Variants in CTNNBL1 observed in about 807,000 individuals in gnomAD.
CTNNBL1 encodes the protein beta-catenin-like protein 1.
CTNNBL1 carries 31 observed loss-of-function variants against 72.7 expected under a neutral mutation model. That is an observed-to-expected ratio of 0.43 (90% CI 0.32 to 0.58). The LOEUF is 0.58. Ranked by LOEUF, CTNNBL1 falls within the 20% of genes least tolerant of loss-of-function variation. The pLI, the probability that CTNNBL1 is intolerant of heterozygous loss-of-function variation, is 0.08. For synonymous variants in CTNNBL1, 240 were observed against 267.3 expected (o/e 0.90, Z 1.00); for missense variants, 534 against 725.1 (o/e 0.74, Z 3.03).
intron 3 of CTNNBL1, among the ~76,000 whole-genome samples, chr20:37,739,853 CT>C (rs1339487557): frequency 1.3e-5 from 2 of 152,210 alleles, no homozygotes; most frequent in Non-Finnish European, 2.9e-5. Flanking sequence ...TCCCTGTCGT[CT>C]TTATTACATC....
At chr20:37,818,306 A>AT (rs2072077089) in intron 11 of CTNNBL1, among the ~76,000 whole-genome samples, 1 of 152,054 alleles carries the variant, frequency 6.6e-6, no homozygotes, top group Admixed American at 6.5e-5. Context: ...TGAAGTTGTC[A>AT]TTGGAAGCAC....
chr20:37,854,589 A>G (rs2072423066), intron 13 of CTNNBL1, among the ~76,000 whole-genome samples: 1 of 131,282 alleles, frequency 7.6e-6, no homozygotes, highest in African/African-American at 2.8e-5. Flanking sequence ...TATTATTATT[A>G]TTATTATTAT....
intron 11 of CTNNBL1, among the ~76,000 whole-genome samples, chr20:37,832,980 T>C (rs552110285): frequency 1.3e-3 from 205 of 152,316 alleles, no homozygotes; most frequent in African/African-American, 4.8e-3. Context: ...ATGTGAATGC[T>C]CTGAAACTCC....
chr20:37,852,899 G>A (rs1421750568), intron 13 of CTNNBL1, among the ~76,000 whole-genome samples: 1 of 152,170 alleles, frequency 6.6e-6, no homozygotes, highest in Non-Finnish European at 1.5e-5. Flanking sequence ...ACTCACCTAA[G>A]GACACTAGTA....
chr20:37,844,879 T>C (rs1011884288), intron 13 of CTNNBL1, among the ~76,000 whole-genome samples: 2 of 151,976 alleles, frequency 1.3e-5, no homozygotes, highest in Non-Finnish European at 2.9e-5. Flanking sequence ...GCCTGAGAGG[T>C]AAGGGTTGCA....
chr20:37,797,292 A>G (rs1024987876), intron 10 of CTNNBL1, among the ~76,000 whole-genome samples: 7 of 149,582 alleles, frequency 4.7e-5, no homozygotes, highest in Non-Finnish European at 8.9e-5. Context: ...ATGTGGCATT[A>G]TCTGTATTTC....
intron 10 of CTNNBL1, among the ~76,000 whole-genome samples, chr20:37,800,490 T>C (rs944784375): frequency 1.9e-4 from 29 of 152,234 alleles, no homozygotes; most frequent in African/African-American, 7.0e-4. Flanking sequence ...ATTTTGCTTT[T>C]TTGACAGACT....
chr20:37,858,364 T>A (rs1294347655), intron 13 of CTNNBL1, among the ~76,000 whole-genome samples: 4 of 152,146 alleles, frequency 2.6e-5, no homozygotes, highest in Admixed American at 6.5e-5. Flanking sequence ...AGTATGAAGA[T>A]GATGGGGAGG....
In CTNNBL1 at chr20:37,731,272, G is replaced by T. The variant is rs1258056248; in HGVS notation, c.31-1607G>T. Among the ~76,000 whole-genome samples the T allele has an allele frequency of 2.7e-5, 4 of 147,748 alleles. No individual in the cohort carries two copies. In the East Asian group the frequency reaches 6.0e-4, roughly 22 times the overall value. On this transcript the variant is annotated intron_variant, in intron 1 of 15. Transcript: ENST00000361383. The stretch of plus-strand genomic sequence containing the variant: ...TTTTTTGAGACGGAGTTTCACTCTT[G>T]TTGCCCAGGCTGGAGTGCAATGGCA...
chr20:37,859,372 A>G (rs1344811013), intron 13 of CTNNBL1, among the ~76,000 whole-genome samples: 1 of 151,638 alleles, frequency 6.6e-6, no homozygotes, highest in African/African-American at 2.4e-5. Flanking sequence ...AAAAAAAAAA[A>G]GAAAAGAAAA....
chr20:37,785,790 G>C (rs1053826939), intron 10 of CTNNBL1, among the ~76,000 whole-genome samples: 1 of 152,190 alleles, frequency 6.6e-6, no homozygotes, highest in Non-Finnish European at 1.5e-5. Context: ...GGACGGTCTT[G>C]ATGCTTATGG....
intron 10 of CTNNBL1, among the ~76,000 whole-genome samples, chr20:37,790,999 A>G (rs1156311927): frequency 6.6e-6 from 1 of 152,172 alleles, no homozygotes; most frequent in African/African-American, 2.4e-5. Context: ...TTTTATGTAA[A>G]TGGAGTCATA....
chr20:37,864,262 C>T (rs2072517918), intron 15 of CTNNBL1, among the ~76,000 whole-genome samples: 1 of 147,754 alleles, frequency 6.8e-6, no homozygotes, highest in African/African-American at 2.5e-5. Context: ...ACCAGCTCAT[C>T]AGTCTGTCCT....
intron 11 of CTNNBL1, among the ~76,000 whole-genome samples, chr20:37,811,191 C>T (rs1052301847): frequency 9.2e-5 from 14 of 152,112 alleles, no homozygotes; most frequent in South Asian, 2.1e-4. Flanking sequence ...AAACCTTCCC[C>T]GAGAGGATAT....
At chr20:37,726,965 G>A (rs1439733578) in intron 1 of CTNNBL1, among the ~76,000 whole-genome samples, 1 of 152,020 alleles carries the variant, frequency 6.6e-6, no homozygotes, top group Non-Finnish European at 1.5e-5. Context: ...CCTAATTGAG[G>A]TCGAGATAGC....
chr20:37,855,245 T>G (rs1459229290), intron 13 of CTNNBL1, among the ~76,000 whole-genome samples: 1 of 151,936 alleles, frequency 6.6e-6, no homozygotes, highest in Non-Finnish European at 1.5e-5. Context: ...GGAATGTCCT[T>G]TTCAGCCTGT....
intron 4 of CTNNBL1, chr20:37,756,270 T>C (rs748737664): frequency 2.6e-5 from 4 of 152,286 alleles, no homozygotes; most frequent in Non-Finnish European, 4.4e-5. Flanking sequence ...TTTTAGATTA[T>C]CTATCTTTCT....
chr20:37,821,705 C>T (rs1600509333), intron 11 of CTNNBL1, among the ~76,000 whole-genome samples: 1 of 152,202 alleles, frequency 6.6e-6, no homozygotes, highest in Admixed American at 6.5e-5. Flanking sequence ...CAGCTGTATA[C>T]TGTTAGATGC....
At chr20:37,724,946 G>T (rs1011977941) in intron 1 of CTNNBL1, among the ~76,000 whole-genome samples, 10 of 129,168 alleles carry the variant, frequency 7.7e-5, no homozygotes, top group Middle Eastern at 6.0e-3. Flanking sequence ...GGGTCTCTCT[G>T]TGTCACCCAG....
Sources: gnomAD v4.1 joint callset for allele counts (sites outside exome capture counted in the v4.1 genomes callset) on GRCh38, gnomAD v4.1.1 for gene constraint, MANE v1.5 for transcripts, NCBI Gene and HGNC (gene_info 2026-07-23, HGNC 2026-07-21) for gene names.